Variants in STK33 observed in about 807,000 individuals in gnomAD.
STK33 encodes serine/threonine-protein kinase 33.
A neutral mutation model predicts 58.0 loss-of-function variants in STK33; 52 were observed. The ratio of observed to expected loss-of-function variants is 0.90; its 90% confidence interval spans 0.72 to 1.13. The LOEUF is 1.13. STK33 is among the 50% of genes most tolerant of loss of function. The pLI is 0.00. For missense variants in STK33, 630 were observed against 604.2 expected, an observed-to-expected ratio of 1.04 and a Z score of -0.45; for synonymous variants, 215 against 200.1, an observed-to-expected ratio of 1.07 and a Z score of -0.63.
chr11:8,472,022 C>T (rs970191876), intron 6 of STK33, among the ~76,000 whole-genome samples: 33 of 152,114 alleles, frequency 2.2e-4, no homozygotes, highest in African/African-American at 1.4e-4. Context: ...AACTTCTGGG[C>T]TCAAGTGATA....
intron 14 of STK33, among the ~76,000 whole-genome samples, chr11:8,428,982 T>G (rs564985080): frequency 1.2e-3 from 180 of 152,242 alleles, no homozygotes; most frequent in Non-Finnish European, 2.3e-3. Context: ...GAACTTTTTT[T>G]GTAAAATGAG....
intron 14 of STK33, among the ~76,000 whole-genome samples, chr11:8,419,694 T>C (rs755397174): frequency 6.6e-6 from 1 of 152,226 alleles, no homozygotes; most frequent in Non-Finnish European, 1.5e-5. Flanking sequence ...TTTAATGATA[T>C]TGATTCTTCC....
chr11:8,558,331 T>C (rs984437826), intron 1 of STK33, among the ~76,000 whole-genome samples: 5 of 151,666 alleles, frequency 3.3e-5, no homozygotes, highest in African/African-American at 9.7e-5. Flanking sequence ...TATGCAAAAA[T>C]GGCACAAACA....
the STK33 span, among the ~76,000 whole-genome samples, chr11:8,375,856 A>G: frequency 1.3e-5 from 2 of 152,186 alleles, no homozygotes; most frequent in Non-Finnish European, 2.9e-5. Flanking sequence ...ACTGTGAGTC[A>G]ATTAAGCCTC....
At chr11:8,428,328 A>T (rs1455945195) in intron 14 of STK33, among the ~76,000 whole-genome samples, 1 of 152,204 alleles carries the variant, frequency 6.6e-6, no homozygotes, top group East Asian at 1.9e-4. Flanking sequence ...CCCAAAGCAA[A>T]TGACAAGAGG....
chr11:8,529,485 T>C (rs539997837), intron 1 of STK33, among the ~76,000 whole-genome samples: 1 of 152,174 alleles, frequency 6.6e-6, no homozygotes, highest in African/African-American at 2.4e-5. Flanking sequence ...TATGGGCCCC[T>C]CTGGTAGACA....
intron 2 of STK33, among the ~76,000 whole-genome samples, chr11:8,477,797 C>T (rs1357672504): frequency 2.0e-5 from 3 of 152,140 alleles, no homozygotes; most frequent in East Asian, 1.9e-4. Flanking sequence ...AGTACTTTCT[C>T]GCTCCAGTCT....
chr11:8,591,553 G>A (rs1239685182), intron 1 of STK33, among the ~76,000 whole-genome samples: 1 of 152,142 alleles, frequency 6.6e-6, no homozygotes, highest in East Asian at 1.9e-4. Flanking sequence ...TATAACAAGA[G>A]TTCACATGGT....
intron 1 of STK33, among the ~76,000 whole-genome samples, chr11:8,496,164 A>G (rs569238316): frequency 6.6e-6 from 1 of 152,248 alleles, no homozygotes; most frequent in Admixed American, 6.5e-5. Context: ...AGTGAACTTG[A>G]TTTTCCAGGA....
chr11:8,405,563 T>C (rs183271396), intron 15 of STK33, among the ~76,000 whole-genome samples: 2 of 152,344 alleles, frequency 1.3e-5, no homozygotes, highest in Admixed American at 1.3e-4. Flanking sequence ...ATGTGTTTTA[T>C]TTTTAGGAAT....
At chr11:8,369,666 G>A in the STK33 span, among the ~76,000 whole-genome samples, 1 of 152,146 alleles carries the variant, frequency 6.6e-6, no homozygotes, top group Non-Finnish European at 1.5e-5. Flanking sequence ...CTCTGATGCC[G>A]GAGCTTAGCA....
chr11:8,485,119 T>C (rs1950110548), intron 1 of STK33, among the ~76,000 whole-genome samples: 2 of 152,324 alleles, frequency 1.3e-5, no homozygotes, highest in South Asian at 4.1e-4. Flanking sequence ...AAAATTAAAC[T>C]GAAAGCTACT....
intron 1 of STK33, among the ~76,000 whole-genome samples, chr11:8,555,607 G>A (rs1956685438): frequency 6.6e-6 from 1 of 152,058 alleles, no homozygotes. Context: ...AGAGCTTGTG[G>A]GGAGCTGAGA....
At chr11:8,477,351 G>A (rs1404391832) in intron 2 of STK33, 68 bp from the exon 3 acceptor site, 1 of 152,132 alleles carries the variant, frequency 6.6e-6, no homozygotes, top group Middle Eastern at 3.2e-3. Context: ...TCAGAGCAGT[G>A]GAGTAGATCT....
At chr11:8,540,068 A>C (rs1413018037) in intron 1 of STK33, among the ~76,000 whole-genome samples, 1 of 152,178 alleles carries the variant, frequency 6.6e-6, no homozygotes, top group Non-Finnish European at 1.5e-5. Context: ...GTGTATACCC[A>C]AAAGAGAAGA....
chr11:8,553,244 TATATATG>T (rs542224815), intron 1 of STK33, among the ~76,000 whole-genome samples: 18 of 91,576 alleles, frequency 2.0e-4, no homozygotes, highest in African/African-American at 6.9e-4. Context: ...ATATATATGA[TATATATG>T]ATATATATAT....
the STK33 span, among the ~76,000 whole-genome samples, chr11:8,353,663 A>G: frequency 6.6e-6 from 1 of 151,752 alleles, no homozygotes; most frequent in Non-Finnish European, 1.5e-5. Context: ...TCCCTTCCCC[A>G]TTGTTTTTCG....
At chr11:8,490,077 G>A (rs1418661493) in intron 1 of STK33, among the ~76,000 whole-genome samples, 2 of 152,206 alleles carry the variant, frequency 1.3e-5, no homozygotes, top group Admixed American at 1.3e-4. Flanking sequence ...TGGACAGTGG[G>A]TGCAGCCCAT....
At chr11:8,565,363 T>C (rs1023585606) in intron 1 of STK33, among the ~76,000 whole-genome samples, 7 of 152,206 alleles carry the variant, frequency 4.6e-5, no homozygotes, top group African/African-American at 1.7e-4. Flanking sequence ...ATGGGGTTAA[T>C]TTCCCATTGG....
Sources: gnomAD v4.1 joint callset for allele counts (sites outside exome capture counted in the v4.1 genomes callset) on GRCh38, gnomAD v4.1.1 for gene constraint, MANE v1.5 for transcripts, NCBI Gene and HGNC (gene_info 2026-07-23, HGNC 2026-07-21) for gene names.